Variants in ZNF354B observed in about 807,000 individuals in gnomAD.
ZNF354B encodes the protein zinc finger protein 354B.
Under a neutral mutation model 12.9 loss-of-function variants are expected in ZNF354B, and 10 were observed. That is an observed-to-expected ratio of 0.77 (90% CI 0.48 to 1.31). The LOEUF is 1.31. Ranked by LOEUF, ZNF354B falls within the 40% of genes most tolerant of loss-of-function variation. ZNF354B has a pLI of 0.00. For missense variants in ZNF354B, 614 were observed against 711.7 expected (o/e 0.86, Z 1.56); for synonymous variants, 260 against 243.7 (o/e 1.07, Z -0.62).
chr5:178,867,616 T>C (rs1757483115), intron 4 of ZNF354B, among the ~76,000 whole-genome samples: 1 of 152,206 alleles, frequency 6.6e-6, no homozygotes, highest in South Asian at 2.1e-4. Context: ...GGCGTGTCCT[T>C]ACTCTGGTGA....
chr5:178,884,188 A>C lies in ZNF354B; in HGVS notation c.1736A>C (p.Glu579Ala), dbSNP rs1193088972. ...ATTCATACTGGAGAGAAACCCTATG[A>C]ATGTAATGCATGTGGGAAACTCTTT... ...QRIHTGEKPY[E>A]CNACGKLFSQ... Residue 579 changes from glutamate to alanine, a missense_variant, in exon 5 of 5, where the codon GAA (glutamate) becomes GCA (alanine). Physicochemically the swap from Glu to Ala is moderately radical, Grantham distance 107. Transcript: ENST00000322434. 5 of 1,613,938 alleles carry C rather than the reference A, an allele frequency of 3.1e-6. No individual in the cohort carries two copies. In the Admixed American group the frequency reaches 8.3e-5, roughly 27 times the overall value.
At chr5:178,862,646 G>A (rs889327402) in intron 2 of ZNF354B, among the ~76,000 whole-genome samples, 1 of 152,220 alleles carries the variant, frequency 6.6e-6, no homozygotes, top group African/African-American at 2.4e-5. Flanking sequence ...GGGATTAAAG[G>A]TGTGAGCCGC....
rs538183726 is a variant in ZNF354B at position 178,880,987 on chromosome 5, C to T, written c.257-1722C>T. On this transcript the variant is annotated intron_variant, in intron 4 of 4. Coordinates refer to ENST00000322434, the MANE Select transcript of ZNF354B (RefSeq NM_058230.3). Reference sequence around the variant, plus strand: ...CCTCCCTAGTCACTAGCATTACAGGCGCCCGCCACCAAGTCCAGCTAATTT... The same window carrying T: ...CCTCCCTAGTCACTAGCATTACAGGTGCCCGCCACCAAGTCCAGCTAATTT... Among the ~76,000 whole-genome samples the T allele has an allele frequency of 3.2e-4, 48 of 151,886 alleles. No individual in the cohort carries two copies. The South Asian group carries it at 7.7e-3, about 24-fold the overall frequency.
At chr5:178,877,434 G>T (rs1757654942) in intron 4 of ZNF354B, among the ~76,000 whole-genome samples, 1 of 152,148 alleles carries the variant, frequency 6.6e-6, no homozygotes, top group South Asian at 2.1e-4. Context: ...CTTCCAAAGT[G>T]CTGGGATTAC....
At position 178,883,628 on chromosome 5, in the gene ZNF354B, C is replaced by G. The variant is rs1757754762; in HGVS notation, c.1176C>G (p.Ser392Arg). 6.2e-7 allele frequency: 1 copy of G among 1,613,516 alleles called. No individual in the cohort carries two copies. Among genetic ancestry groups the G allele is most frequent in the African/African-American group, 1.3e-5 (1 of 74,872 alleles). Residue 392 changes from serine (S) to arginine (R), a missense_variant, in exon 5 of 5, where the codon AGC becomes AGG. Coordinates refer to ENST00000322434, the MANE Select transcript of ZNF354B (RefSeq NM_058230.3). ...FKCSECGRAF[S>R]QSASLIQHER... The stretch of plus-strand genomic sequence containing the variant: ...GTAGTGAATGTGGGAGAGCCTTCAG[C>G]CAGAGTGCCTCTCTTATTCAACATG...
chr5:178,862,362 CT>C (rs769224561), intron 2 of ZNF354B, among the ~76,000 whole-genome samples: 22,870 of 105,284 alleles, frequency 0.22, 1,270 homozygotes, highest in East Asian at 0.27. Context: ...GTGGCATTAT[CT>C]TTTTTTTTTT....
At position 178,882,315 on chromosome 5, in the gene ZNF354B, G is replaced by A. The variant is rs186887494; in HGVS notation, c.257-394G>A. On this transcript the variant is annotated intron_variant, in intron 4 of 4. Transcript: ENST00000322434. ...AGGAGTTAACATTTGAACTGAGTCT[G>A]AAGGATACAAAGGAGTTCAGAATGT... is the stretch of plus-strand genomic sequence containing the variant. 4.3e-4 allele frequency among the ~76,000 whole-genome samples: 66 copies of A among 152,330 alleles called. 1 individual carries two copies. Among genetic ancestry groups the A allele is most frequent in the Admixed American group, 3.7e-3 (56 of 15,304 alleles).
chr5:178,862,041 T>C (rs1224267425), intron 2 of ZNF354B, among the ~76,000 whole-genome samples: 16 of 152,220 alleles, frequency 1.1e-4, no homozygotes, highest in East Asian at 1.9e-4. Context: ...TGCTGTACAA[T>C]GTGTTTAGGA....
chr5:178,870,778 G>C (rs1757550756), intron 4 of ZNF354B, among the ~76,000 whole-genome samples: 2 of 152,152 alleles, frequency 1.3e-5, no homozygotes, highest in Admixed American at 1.3e-4. Flanking sequence ...AAAAGTGACT[G>C]CTTACAAGAT....
At chr5:178,868,617 G>A (rs1237414659) in intron 4 of ZNF354B, among the ~76,000 whole-genome samples, 1 of 152,178 alleles carries the variant, frequency 6.6e-6, no homozygotes, top group Non-Finnish European at 1.5e-5. Context: ...GGTGGCATCA[G>A]CAAAGGCTTC....
Position 178,866,387 on chromosome 5 carries a change from T to A in ZNF354B, c.160+17T>A, listed in dbSNP as rs769248041. The A allele has an allele frequency of 1.1e-4, 177 of 1,601,706 alleles. 1 individual carries two copies. The Middle Eastern group carries it at 4.5e-3, about 41-fold the overall frequency. Reference sequence around the variant, plus strand: ...TCTCACTGGGTAAGGAAATTTCCCCTCTAGAAACAGAATTCAAAAATTGGG... The same window carrying A: ...TCTCACTGGGTAAGGAAATTTCCCCACTAGAAACAGAATTCAAAAATTGGG... On this transcript the variant is annotated intron_variant, in intron 3 of 4. Coordinates refer to ENST00000322434, the MANE Select transcript of ZNF354B (RefSeq NM_058230.3).
At chr5:178,862,110 T>C (rs1325288014) in intron 2 of ZNF354B, among the ~76,000 whole-genome samples, 2 of 152,058 alleles carry the variant, frequency 1.3e-5, no homozygotes, top group African/African-American at 2.4e-5. Context: ...GTCCACCGAG[T>C]GTCTAGCATA....
intron 4 of ZNF354B, among the ~76,000 whole-genome samples, chr5:178,879,836 A>G (rs983671072): frequency 6.6e-6 from 1 of 152,236 alleles, no homozygotes. Context: ...ATATAAAAGT[A>G]GAGAGAATAG....
intron 2 of ZNF354B, among the ~76,000 whole-genome samples, chr5:178,863,385 A>G (rs368306747): frequency 1.4e-5 from 2 of 142,674 alleles, no homozygotes; most frequent in East Asian, 3.9e-4. Context: ...TAGTGGTCCC[A>G]TAAGATTAAA....
intron 2 of ZNF354B, among the ~76,000 whole-genome samples, chr5:178,862,087 TAACA>T (rs972983026): frequency 3.9e-5 from 6 of 152,220 alleles, no homozygotes; most frequent in African/African-American, 1.4e-4. Context: ...TTTTTTTATC[TAACA>T]ATACTAATGT....
At chr5:178,879,908 A>G (rs1757693270) in intron 4 of ZNF354B, among the ~76,000 whole-genome samples, 1 of 151,936 alleles carries the variant, frequency 6.6e-6, no homozygotes, top group African/African-American at 2.4e-5. Flanking sequence ...TGGGTGGATC[A>G]CGAGGTCAGG....
At chr5:178,864,996 G>C (rs76962943) in intron 2 of ZNF354B, among the ~76,000 whole-genome samples, 22,554 of 152,006 alleles carry the variant, frequency 0.15, 2,056 homozygotes, top group African/African-American at 0.25. Context: ...CATTTTCATG[G>C]ATGTCTTTTT....
At chr5:178,867,822 G>A (rs1325890230) in intron 4 of ZNF354B, among the ~76,000 whole-genome samples, 1 of 152,190 alleles carries the variant, frequency 6.6e-6, no homozygotes, top group Non-Finnish European at 1.5e-5. Flanking sequence ...GATTGAGAAT[G>A]GGTCCATGGA....
rs200242749 is a variant in ZNF354B, at chr5:178,883,950, G to C, written c.1498G>C (p.Asp500His). The change falls in exon 5 of 5, where the codon GAC (aspartate) becomes CAC (histidine). Residue 500 changes from aspartate to histidine, a missense_variant. Asp to His is a moderately conservative substitution (Grantham distance 81). Coordinates refer to ENST00000322434, the MANE Select transcript of ZNF354B (RefSeq NM_058230.3). ...AAGACCCTATAAGTGTAACGAATGT[G>C]ACAAAACATTCAGGTGTAACTCATC... The part of the protein sequence containing the change: ...GERPYKCNEC[D>H]KTFRCNSSLS... The C allele has an allele frequency of 2.0e-5, 33 of 1,613,954 alleles. No individual in the cohort carries two copies. The highest frequency in any genetic ancestry group is 2.7e-5 in the Non-Finnish European group (32 of 1,180,004).
Sources: gnomAD v4.1 joint callset for allele counts (sites outside exome capture counted in the v4.1 genomes callset) on GRCh38, gnomAD v4.1.1 for gene constraint, MANE v1.5 for transcripts, NCBI Gene and HGNC (gene_info 2026-07-23, HGNC 2026-07-21) for gene names.